Variants in SLC7A1 observed in about 807,000 individuals in gnomAD.
SLC7A1 encodes solute carrier family 7 member 1.
Under a neutral mutation model 53.9 loss-of-function variants are expected in SLC7A1, and 10 were observed. The ratio of observed to expected loss-of-function variants is 0.19; its 90% CI spans 0.11 to 0.31. SLC7A1 has a LOEUF of 0.31. SLC7A1 is among the 10% of genes least tolerant of loss of function. The pLI is 1.00. For synonymous variants in SLC7A1, 342 were observed against 338.7 expected, an observed-to-expected ratio of 1.01 and a Z score of -0.11; for missense variants, 525 against 827.2, an observed-to-expected ratio of 0.63 and a Z score of 4.48.
chr13:29,517,059 C>A, intron 11 of SLC7A1, 85 bp downstream of exon 11: 2 of 1,353,970 alleles, frequency 1.5e-6, no homozygotes. Context: ...CACCCAGGCC[C>A]GGCTGAGCCC....
chr13:29,513,089 T>C lies in SLC7A1; in HGVS notation c.*1391A>G, dbSNP rs1304641970. On this transcript the variant is annotated 3_prime_UTR_variant, in exon 13 of 13. Coordinates refer to ENST00000380752, the MANE Select transcript of SLC7A1 (RefSeq NM_003045.5). ...GGAACGCTCCACCCACGTTCAGGTT[T>C]CCTCTGGCTCCCATCTACAAGGAGT... 3.3e-5 allele frequency: 5 copies of C among 152,168 alleles called. No individual in the cohort carries two copies. The highest frequency in any genetic ancestry group is 2.0e-4 in the Admixed American group (3 of 15,270). The allele number at this position is 152,168 out of a possible 1,614,324, so 9.4% of individuals were successfully genotyped here.
chr13:29,580,006 A>C (rs565958025), intron 1 of SLC7A1, among the ~76,000 whole-genome samples: 64 of 152,160 alleles, frequency 4.2e-4, no homozygotes, highest in Non-Finnish European at 8.4e-4. Context: ...CATGGTCACC[A>C]AACTGCTCAG....
At chr13:29,588,482 C>T (rs554342002) in intron 1 of SLC7A1, among the ~76,000 whole-genome samples, 103 of 149,100 alleles carry the variant, frequency 6.9e-4, no homozygotes, top group African/African-American at 2.4e-3. Flanking sequence ...TCCTTGCACT[C>T]CTGCAAATTT....
At chr13:29,592,168 T>C (rs9551702) in intron 1 of SLC7A1, among the ~76,000 whole-genome samples, 17,072 of 152,212 alleles carry the variant, frequency 0.11, 1,989 homozygotes, top group East Asian at 0.66. Context: ...CCATTCTGCA[T>C]TGAAGCTGTG....
rs1870479485 is a variant in SLC7A1, at chr13:29,557,284, CTATAT to C, written c.-114-3429_-114-3425del. ...AAAGTGTGATTGTGACACCATGTGG[CTATAT>C]TATAATACAGTCATGTGTCATGACT... is the stretch of plus-strand genomic sequence containing the variant. On this transcript the variant is annotated intron_variant, in intron 1 of 12. Transcript: ENST00000380752. 2.0e-5 allele frequency among the ~76,000 whole-genome samples: 3 copies of C among 152,148 alleles called. No homozygotes were observed. In the South Asian group the frequency reaches 6.2e-4, roughly 32 times the overall value.
chr13:29,542,681 C>CAA (rs141880332), intron 2 of SLC7A1, among the ~76,000 whole-genome samples: 6,585 of 137,316 alleles, frequency 0.048, 184 homozygotes, highest in Middle Eastern at 0.14. Context: ...GACCCTGTTT[C>CAA]AAAAAAAAAA....
chr13:29,551,487 G>C (rs1352110954), intron 2 of SLC7A1, among the ~76,000 whole-genome samples: 1 of 152,150 alleles, frequency 6.6e-6, no homozygotes, highest in Non-Finnish European at 1.5e-5. Context: ...CAGGGTTCAA[G>C]ACTTGTGCCC....
intron 2 of SLC7A1, among the ~76,000 whole-genome samples, chr13:29,545,542 A>G (rs1435259688): frequency 6.6e-6 from 1 of 152,210 alleles, no homozygotes; most frequent in Non-Finnish European, 1.5e-5. Flanking sequence ...CGCCCAGAAA[A>G]CAGAACTCGC....
chr13:29,517,749 C>G lies in SLC7A1; in HGVS notation c.1334G>C (p.Ser445Thr), dbSNP rs1416701172. The change falls in exon 10 of 13, where the codon AGT (serine) becomes ACT (threonine). Residue 445 changes from serine (S) to threonine (T), a missense_variant. Transcript: ENST00000380752. ...TGCTGGATCTAACTCGTCGGAAGTA[C>G]TGGCCATCTGGTATACCAGGTTAGG... ...EQPNLVYQMA[S>T]TSDELDPADQ... 6.2e-7 allele frequency: 1 copy of G among 1,614,210 alleles called. No homozygotes were observed. The highest frequency in any genetic ancestry group is 8.5e-7 in the Non-Finnish European group (1 of 1,180,028).
At chr13:29,519,722 A>G (rs1271578264) in intron 8 of SLC7A1, among the ~76,000 whole-genome samples, 173 bp from the exon 9 acceptor site, 1 of 145,498 alleles carries the variant, frequency 6.9e-6, no homozygotes, top group Non-Finnish European at 1.5e-5. Flanking sequence ...GCTTCCCTTT[A>G]AGCTTGTGAT....
At chr13:29,546,072 G>A (rs949095323) in intron 2 of SLC7A1, among the ~76,000 whole-genome samples, 10 of 152,178 alleles carry the variant, frequency 6.6e-5, no homozygotes, top group African/African-American at 2.2e-4. Context: ...CCTCTGACAC[G>A]TGCCTTTTCA....
chr13:29,532,763 G>C (rs542948657), intron 4 of SLC7A1, 61 bp downstream of exon 4: 3 of 1,425,244 alleles, frequency 2.1e-6, no homozygotes, highest in African/African-American at 2.9e-5. Context: ...CTTAACAGGA[G>C]CCTCTCACCA....
intron 5 of SLC7A1, 130 bp from the exon 6 acceptor site, chr13:29,524,383 G>C: frequency 8.7e-7 from 1 of 1,152,224 alleles, no homozygotes; most frequent in Non-Finnish European, 1.2e-6. Flanking sequence ...CAGGCCCTGG[G>C]CTTCAGACGC....
intron 9 of SLC7A1, among the ~76,000 whole-genome samples, chr13:29,518,412 G>A (rs1270989837): frequency 2.0e-5 from 3 of 152,136 alleles, no homozygotes; most frequent in Admixed American, 6.5e-5. Flanking sequence ...CTTCCCACCC[G>A]AAATGAACAG....
At chr13:29,594,728 A>C (rs1872238447) in intron 1 of SLC7A1, among the ~76,000 whole-genome samples, 1 of 152,188 alleles carries the variant, frequency 6.6e-6, no homozygotes, top group Non-Finnish European at 1.5e-5. Flanking sequence ...AAGCCCACCT[A>C]GGGGAGACTT....
chr13:29,571,149 T>A (rs1871173584), intron 1 of SLC7A1, among the ~76,000 whole-genome samples: 1 of 152,224 alleles, frequency 6.6e-6, no homozygotes, highest in South Asian at 2.1e-4. Context: ...TTGCAGTTTT[T>A]GCCATTAAAA....
chr13:29,532,814 T>A lies in SLC7A1; in HGVS notation c.529+10A>T. ...CTCTGACCCGATCTCTTTTTAAGTG[T>A]GGGCTTTACCTGTCAAGATGAGAAT... On this transcript the variant is annotated intron_variant, in intron 4 of 12. Coordinates refer to ENST00000380752, the MANE Select transcript of SLC7A1 (RefSeq NM_003045.5). The A allele has an allele frequency of 6.2e-7, 1 of 1,607,790 alleles. No individual in the cohort carries two copies. The highest frequency in any genetic ancestry group is 8.5e-7 in the Non-Finnish European group (1 of 1,175,432).
intron 1 of SLC7A1, among the ~76,000 whole-genome samples, chr13:29,576,756 C>T (rs1297802815): frequency 6.6e-6 from 1 of 152,138 alleles, no homozygotes; most frequent in Non-Finnish European, 1.5e-5. Flanking sequence ...TGCTGCCCAA[C>T]TGATAAATGC....
chr13:29,594,720 G>A (rs1445744308), intron 1 of SLC7A1, among the ~76,000 whole-genome samples: 1 of 152,220 alleles, frequency 6.6e-6, no homozygotes, highest in Non-Finnish European at 1.5e-5. Context: ...TCACAAGGAA[G>A]CCCACCTAGG....
Sources: gnomAD v4.1 joint callset for allele counts (sites outside exome capture counted in the v4.1 genomes callset) on GRCh38, gnomAD v4.1.1 for gene constraint, MANE v1.5 for transcripts, NCBI Gene and HGNC (gene_info 2026-07-23, HGNC 2026-07-21) for gene names.